Variants in SAFB observed in about 807,000 individuals in gnomAD.
SAFB encodes scaffold attachment factor B1.
SAFB carries 15 observed loss-of-function variants against 101.6 expected under a neutral mutation model. The observed-to-expected ratio is 0.15, with a 90% CI of 0.10 to 0.23. The LOEUF (loss-of-function observed/expected upper bound fraction) is 0.23. Ranked by LOEUF, SAFB falls within the 10% of genes least tolerant of loss-of-function variation. The pLI, the probability that SAFB is intolerant of heterozygous loss-of-function variation, is 1.00. For missense variants in SAFB, 930 were observed against 1,104.1 expected, an observed-to-expected ratio of 0.84 and a Z score of 2.23; for synonymous variants, 449 against 407.5, an observed-to-expected ratio of 1.10 and a Z score of -1.23.
rs150067581 is a variant in SAFB at position 5,645,310 on chromosome 19, A to G, written c.547-27A>G. On this transcript the variant is annotated intron_variant, in intron 4 of 20. Coordinates refer to ENST00000588852, the MANE Select transcript of SAFB (RefSeq NM_001201338.2). ...TGTTACGTTATTGTTGGTGTGATGAACTGTATTTTCTCCATTTATTTTACA... is the reference window on the plus strand; with the variant it reads ...TGTTACGTTATTGTTGGTGTGATGAGCTGTATTTTCTCCATTTATTTTACA... 295 of 920,466 alleles carry G rather than the reference A, an allele frequency of 3.2e-4. No homozygotes were observed. In the African/African-American group the frequency reaches 4.5e-3, roughly 14 times the overall value. The allele number at this position is 920,466 out of a possible 1,614,324, so 57.0% of individuals were successfully genotyped here.
chr19:5,655,958 T>TA lies in SAFB; in HGVS notation c.1756-1277dup, dbSNP rs377295374. On this transcript the variant is annotated intron_variant, in intron 13 of 20. Transcript: ENST00000588852. ...AAATTTATTTTTGAAGCAAAAGACA[T>TA]AAAAAATTGGTGTTTTGATCTTATA... 1.0e-3 allele frequency among the ~76,000 whole-genome samples: 156 copies of TA among 152,284 alleles called. 1 individual carries two copies. The highest frequency in any genetic ancestry group is 2.9e-3 in the African/African-American group (122 of 41,562).
At chr19:5,644,188 G>T (rs1599346429) in intron 4 of SAFB, among the ~76,000 whole-genome samples, 1 of 152,060 alleles carries the variant, frequency 6.6e-6, no homozygotes, top group Admixed American at 6.6e-5. Context: ...TTGTGCTTTA[G>T]TGTCAGAGAG....
At position 5,654,050 on chromosome 19, in the gene SAFB, G is replaced by A. The variant is rs149257603; in HGVS notation, c.1527-11G>A. ...GCCACCACGCCCAGCCAACATGTCTGTTTTTTATAGATCTACAAACCTTAA... is the reference window on the plus strand; with the variant it reads ...GCCACCACGCCCAGCCAACATGTCTATTTTTTATAGATCTACAAACCTTAA... On this transcript the variant is annotated splice_polypyrimidine_tract_variant and intron_variant, in intron 11 of 20. Transcript: ENST00000588852. The A allele has an allele frequency of 1.5e-4, 249 of 1,613,692 alleles. 1 individual carries two copies. In the African/African-American group the frequency reaches 3.1e-3, roughly 20 times the overall value.
chr19:5,664,005 C>G lies in SAFB; in HGVS notation c.2154-17C>G. ...GGGTGGGGGATCCCTCTATCTCTGT[C>G]TCATGTCCCCTCACAGGCGAGATGA... On this transcript the variant is annotated splice_polypyrimidine_tract_variant and intron_variant, in intron 15 of 20. Coordinates refer to ENST00000588852, the MANE Select transcript of SAFB (RefSeq NM_001201338.2). 1 of 1,612,424 alleles carries G rather than the reference C, an allele frequency of 6.2e-7. No homozygotes were observed. Among genetic ancestry groups the G allele is most frequent in the Non-Finnish European group, 8.5e-7 (1 of 1,179,254 alleles).
chr19:5,668,230 G>T lies in SAFB; in HGVS notation c.2693G>T (p.Gly898Val). 1 of 1,610,782 alleles carries T rather than the reference G, an allele frequency of 6.2e-7. No individual in the cohort carries two copies. The highest frequency in any genetic ancestry group is 1.1e-5 in the South Asian group (1 of 90,776). ...ATCCCACACGGTGGCATGCAGGGCG[G>T]GTTTGGAGGCCAGAGCCGGGGGAGC... ...HPIPHGGMQG[G>V]FGGQSRGSRP... Residue 898 changes from glycine to valine, a missense_variant, in exon 21 of 21, where the codon GGG (glycine) becomes GTG (valine). By Grantham distance (109) the Gly-to-Val change is moderately radical. This residue lies in a region of SAFB where 318 missense variants were observed against 342.6 expected (regional missense o/e 0.93). Coordinates refer to ENST00000588852, the MANE Select transcript of SAFB (RefSeq NM_001201338.2).
At chr19:5,624,490 C>T (rs932273757) in intron 1 of SAFB, among the ~76,000 whole-genome samples, 1 of 152,002 alleles carries the variant, frequency 6.6e-6, no homozygotes, top group East Asian at 1.9e-4. Context: ...CTGCGGTTTC[C>T]TTATTCCTGT....
chr19:5,654,437 CGTCCGG>C lies in SAFB; in HGVS notation c.1741_1746del (p.Gly581_Ser582del), dbSNP rs773560031. On this transcript the variant is annotated inframe_deletion, in exon 13 of 21. Coordinates refer to ENST00000588852, the MANE Select transcript of SAFB (RefSeq NM_001201338.2). ...GGGGTGCCTGTGATTAGTGTAAAAACGTCCGGGTCCAAAGAGAGAGTGAGTATTAAT... is the reference window on the plus strand; with the variant it reads ...GGGGTGCCTGTGATTAGTGTAAAAACGTCCAAAGAGAGAGTGAGTATTAAT... The C allele has an allele frequency of 6.2e-7, 1 of 1,607,610 alleles. No individual in the cohort carries two copies. Among genetic ancestry groups the C allele is most frequent in the East Asian group, 2.2e-5 (1 of 44,844 alleles).
Position 5,667,634 on chromosome 19 carries a change from G to A in SAFB, c.2557+184G>A. ...CTGGCCCAGGAGTTGGACAGTGGGCGTTCCCGAGTTCTCTCTGCTGGGAGG... is the reference window on the plus strand; with the variant it reads ...CTGGCCCAGGAGTTGGACAGTGGGCATTCCCGAGTTCTCTCTGCTGGGAGG... On this transcript the variant is annotated intron_variant, in intron 19 of 20. Coordinates refer to ENST00000588852, the MANE Select transcript of SAFB (RefSeq NM_001201338.2). The surrounding 1 kb of genome is among the most constrained non-coding windows in gnomAD (Gnocchi z 4.0). 3 of 699,172 alleles carry A rather than the reference G, an allele frequency of 4.3e-6. No individual in the cohort carries two copies. Among genetic ancestry groups the A allele is most frequent in the Non-Finnish European group, 4.9e-6 (2 of 407,814 alleles). The allele number at this position is 699,172 out of a possible 1,614,324, so 43.3% of individuals were successfully genotyped here.
intron 14 of SAFB, among the ~76,000 whole-genome samples, chr19:5,660,704 CAAAAAAAAAAAAA>C (rs60011056): frequency 5.4e-4 from 41 of 76,592 alleles, no homozygotes; most frequent in African/African-American, 1.8e-3. Context: ...CCATCTCTAC[CAAAAAAAAAAAAA>C]AAAAAAAAAA....
At chr19:5,658,377 A>G (rs1220765164) in intron 14 of SAFB, among the ~76,000 whole-genome samples, 2 of 152,212 alleles carry the variant, frequency 1.3e-5, no homozygotes, top group African/African-American at 4.8e-5. Context: ...TATTTTTTCT[A>G]TGAAATACTT....
At chr19:5,623,631 C>G (rs545820183) in intron 1 of SAFB, among the ~76,000 whole-genome samples, 4 of 152,288 alleles carry the variant, frequency 2.6e-5, no homozygotes, top group Admixed American at 2.6e-4. Flanking sequence ...GGCACGCGTG[C>G]AGGAGAAACG....
intron 2 of SAFB, among the ~76,000 whole-genome samples, chr19:5,627,463 G>A (rs1473407194): frequency 6.6e-6 from 1 of 152,176 alleles, no homozygotes; most frequent in Non-Finnish European, 1.5e-5. Context: ...AAGTAGGACT[G>A]CCTGAGCCTC....
chr19:5,667,021 T>TC lies in SAFB; in HGVS notation c.2335-22dup. 6.8e-7 allele frequency: 1 copy of TC among 1,460,044 alleles called. No homozygotes were observed. 90.4% of individuals were successfully genotyped at this position (1,460,044 alleles called of 1,614,324 possible). On this transcript the variant is annotated intron_variant, in intron 17 of 20. Coordinates refer to ENST00000588852, the MANE Select transcript of SAFB (RefSeq NM_001201338.2). The surrounding 1 kb of genome is among the most constrained non-coding windows in gnomAD (Gnocchi z 4.0). ...GGGCGCTGACACTGAAGCTTTTTTT[T>TC]CCCTTCTGGCTCTGTGATGTCCAGC...
intron 13 of SAFB, among the ~76,000 whole-genome samples, chr19:5,656,243 T>A (rs1056575787): frequency 6.6e-6 from 1 of 152,108 alleles, no homozygotes; most frequent in Non-Finnish European, 1.5e-5. Context: ...TTTAACTTTT[T>A]TCATTTTTTT....
chr19:5,660,310 C>CTTT (rs578193077), intron 14 of SAFB, among the ~76,000 whole-genome samples: 1 of 66,444 alleles, frequency 1.5e-5, no homozygotes, highest in African/African-American at 5.4e-5. Context: ...CACTGAGGTG[C>CTTT]TTTTTTTTTT....
At chr19:5,629,433 T>A (rs2053441006) in intron 2 of SAFB, among the ~76,000 whole-genome samples, 1 of 151,940 alleles carries the variant, frequency 6.6e-6, no homozygotes, top group African/African-American at 2.4e-5. Context: ...GGGAAAAAAG[T>A]AAATATATAG....
At chr19:5,668,129 T>G (rs749503574) in intron 20 of SAFB, 33 bp from the exon 21 acceptor site, 1 of 1,599,776 alleles carries the variant, frequency 6.3e-7, no homozygotes, top group East Asian at 2.3e-5. Flanking sequence ...GCAGGAGGAC[T>G]TCGCAGTCAA....
chr19:5,628,311 A>C (rs2053413904), intron 2 of SAFB, among the ~76,000 whole-genome samples: 1 of 151,868 alleles, frequency 6.6e-6, no homozygotes, highest in Non-Finnish European at 1.5e-5. Flanking sequence ...GTTCATGTAG[A>C]GTTTTCCCTA....
intron 2 of SAFB, among the ~76,000 whole-genome samples, chr19:5,641,354 A>G (rs890005203): frequency 2.0e-5 from 3 of 151,982 alleles, no homozygotes; most frequent in Admixed American, 1.3e-4. Flanking sequence ...CAACTTTACT[A>G]AGAACCTGTT....
Sources: allele counts gnomAD v4.1 joint callset (sites outside exome capture counted in the v4.1 genomes callset), GRCh38; gene constraint gnomAD v4.1.1; regional missense constraint gnomAD v4.1.1; non-coding constraint Gnocchi (gnomAD v3.1); transcripts MANE v1.5; gene names NCBI Gene and HGNC (gene_info 2026-07-23, HGNC 2026-07-21).